The following USP24 variants were observed in gnomAD, a reference collection of about 807,000 sequenced individuals.
USP24 encodes the protein ubiquitin specific peptidase 24.
USP24 carries 97 observed loss-of-function variants against 361.6 expected under a neutral mutation model. The observed-to-expected ratio is 0.27, with a 90% confidence interval of 0.23 to 0.32. The LOEUF (loss-of-function observed/expected upper bound fraction) is 0.32, where lower values mean the gene tolerates loss of function less well. Among genes scored for constraint, USP24 ranks in the 10% least tolerant of loss-of-function variants. The pLI is 1.00. For missense variants in USP24, 2,353 were observed against 3,165.6 expected, an observed-to-expected ratio of 0.74 and a Z score of 6.16; for synonymous variants, 1,098 against 1,124.6, an observed-to-expected ratio of 0.98 and a Z score of 0.47.
At chr1:55,089,837 G>T in intron 54 of USP24, 97 bp from the exon 55 acceptor site, 1 of 795,780 alleles carries the variant, frequency 1.3e-6, no homozygotes, top group South Asian at 1.9e-5. Context: ...TTCTATCTAT[G>T]AATGTCTCTC....
intron 38 of USP24, among the ~76,000 whole-genome samples, chr1:55,118,483 G>A (rs2100585955): frequency 6.6e-6 from 1 of 152,248 alleles, no homozygotes; most frequent in African/African-American, 2.4e-5. Context: ...CTAAATGTAA[G>A]AACTAAAACT....
At chr1:55,213,883 C>G (rs1236683606) in intron 1 of USP24, among the ~76,000 whole-genome samples, 2 of 152,100 alleles carry the variant, frequency 1.3e-5, no homozygotes, top group African/African-American at 2.4e-5. Context: ...TCCTCCACCC[C>G]CACTGCGCTC....
Position 55,085,989 on chromosome 1 carries a change from T to C in USP24, c.6718A>G (p.Thr2240Ala). The C allele has an allele frequency of 6.2e-7, 1 of 1,613,944 alleles. No individual in the cohort carries two copies. The highest frequency in any genetic ancestry group is 8.5e-7 in the Non-Finnish European group (1 of 1,179,844). Reference sequence around the variant, plus strand: ...CTGTCTAGGGTTTTCTCCAGAATGGTGGCCACAGCAACTCGTACTTCTCTC... The same window carrying C: ...CTGTCTAGGGTTTTCTCCAGAATGGCGGCCACAGCAACTCGTACTTCTCTC... ...NVREVRVAVA[T>A]ILEKTLDSAL... The change falls in exon 56 of 68, where the codon ACC (threonine) becomes GCC (alanine). Residue 2240 changes from threonine (T) to alanine (A), a missense_variant. Physicochemically the swap from Thr to Ala is moderately conservative, Grantham distance 58 (BLOSUM62 0). Transcript: ENST00000294383.
intron 21 of USP24, among the ~76,000 whole-genome samples, chr1:55,143,580 C>T (rs1000818056): frequency 2.6e-5 from 4 of 151,870 alleles, no homozygotes; most frequent in East Asian, 1.9e-4. Context: ...ATTCTAACCA[C>T]CCAGGAAGCC....
chr1:55,069,086 T>C lies in USP24; in HGVS notation c.7822A>G (p.Ile2608Val), dbSNP rs758985138. ...LQQGSESPMM[I>V]GELRSDLDDV... ...TCAAGGTCACTTCTCAACTCACCAA[T>C]CATCATGGGAGATTCTGAACCCTGC... is the stretch of plus-strand genomic sequence containing the variant. Residue 2608 changes from isoleucine to valine, a missense_variant, in exon 68 of 68, where the codon ATT becomes GTT. Around this residue, in one of 8 missense-constraint regions of USP24, gnomAD observed 53 missense variants for 57.7 expected, o/e 0.92. Transcript: ENST00000294383. 6.2e-7 allele frequency: 1 copy of C among 1,613,926 alleles called. No homozygotes were observed.
intron 3 of USP24, among the ~76,000 whole-genome samples, chr1:55,173,318 A>G (rs1477868187): frequency 6.6e-6 from 1 of 152,188 alleles, no homozygotes. Context: ...TAAACTGTTT[A>G]CTTTGTAGCT....
At chr1:55,070,078 T>C (rs1244750390) in intron 67 of USP24, among the ~76,000 whole-genome samples, 18 of 150,674 alleles carry the variant, frequency 1.2e-4, no homozygotes, top group Admixed American at 1.2e-3. Context: ...TGATGACAGG[T>C]GGAGGAGAGG....
intron 1 of USP24, among the ~76,000 whole-genome samples, chr1:55,191,441 T>C (rs1644283746): frequency 6.6e-6 from 1 of 152,062 alleles, no homozygotes; most frequent in African/African-American, 2.4e-5. Context: ...GTTTGCCAAC[T>C]GTTTGGACTA....
At chr1:55,149,426 T>C (rs1647129917) in intron 16 of USP24, among the ~76,000 whole-genome samples, 2 of 152,208 alleles carry the variant, frequency 1.3e-5, no homozygotes, top group South Asian at 4.1e-4. Flanking sequence ...CTTGTTCTAT[T>C]GAGCCTTAGT....
In USP24 at chr1:55,079,528, A is replaced by C. The variant is rs1645099359; in HGVS notation, c.7200+10T>G. ...GGGAAAAAAATGGCTTTAGAATAAC[A>C]AGTACATACCTCTAACAGGTAAGGT... On this transcript the variant is annotated intron_variant, in intron 60 of 67. Transcript: ENST00000294383. 1.3e-6 allele frequency: 2 copies of C among 1,564,232 alleles called. No individual in the cohort carries two copies. Among genetic ancestry groups the C allele is most frequent in the Non-Finnish European group, 1.7e-6 (2 of 1,164,048 alleles).
Position 55,134,138 on chromosome 1 carries a change from G to A in USP24, c.3313C>T (p.Leu1105=), listed in dbSNP as rs1391392976. 5 of 1,613,622 alleles carry A rather than the reference G, an allele frequency of 3.1e-6. No individual in the cohort carries two copies. In the African/African-American group the frequency reaches 6.7e-5, roughly 22 times the overall value. The part of the protein sequence containing the change: ...PRITLRVRKL[L]LLIPTDPAIQ... The stretch of plus-strand genomic sequence containing the variant: ...GCTGGATCAGTGGGTATCAAGAGCA[G>A]AAGCTTCCGTACTCGTAGAGTTATC... The change falls in exon 30 of 68, where the codon CTG becomes TTG. Residue 1105 remains leucine, a synonymous_variant. Coordinates refer to ENST00000294383, the MANE Select transcript of USP24 (RefSeq NM_015306.3).
intron 65 of USP24, 109 bp downstream of exon 65, chr1:55,072,677 G>A (rs955203447): frequency 8.8e-7 from 1 of 1,131,028 alleles, no homozygotes; most frequent in Non-Finnish European, 1.2e-6. Flanking sequence ...TTTGAAATCT[G>A]AAAACACTTT....
Position 55,096,637 on chromosome 1 carries a change from TCAGA to T in USP24, c.5937-19_5937-16del. 6.2e-7 allele frequency: 1 copy of T among 1,600,486 alleles called. No individual in the cohort carries two copies. The highest frequency in any genetic ancestry group is 2.2e-5 in the East Asian group (1 of 44,734). On this transcript the variant is annotated splice_polypyrimidine_tract_variant and intron_variant, in intron 49 of 67. Transcript: ENST00000294383. The stretch of plus-strand genomic sequence containing the variant: ...TTCCACACCCTCTAGAACCCAGAGA[TCAGA>T]CAAACATTATAAGGTTAAAAAAATC...
At chr1:55,135,899 A>G (rs573835357) in intron 28 of USP24, among the ~76,000 whole-genome samples, 3 of 152,340 alleles carry the variant, frequency 2.0e-5, no homozygotes, top group Admixed American at 2.0e-4. Context: ...AACACAGAGA[A>G]GGTACAAAAT....
intron 1 of USP24, among the ~76,000 whole-genome samples, chr1:55,180,576 A>G (rs1643936883): frequency 6.6e-6 from 1 of 152,208 alleles, no homozygotes; most frequent in African/African-American, 2.4e-5. Flanking sequence ...CCATCCCCAC[A>G]GAATCTACGG....
intron 50 of USP24, 34 bp from the exon 51 acceptor site, chr1:55,095,430 A>G (rs1052497344): frequency 9.0e-6 from 14 of 1,556,058 alleles, no homozygotes; most frequent in Non-Finnish European, 1.2e-5. Context: ...CACATCTGTA[A>G]ATAAAAGTTT....
chr1:55,110,908 A>G (rs540406402), intron 38 of USP24, among the ~76,000 whole-genome samples: 46 of 152,224 alleles, frequency 3.0e-4, no homozygotes, highest in African/African-American at 1.1e-3. Context: ...TATTGGAAAT[A>G]AAAAACATAC....
rs1388313789 is a variant in USP24, at chr1:55,153,929, T to A, written c.1813-12A>T. The stretch of plus-strand genomic sequence containing the variant: ...GACCATTCTCCAGGCTGAAAATTCA[T>A]TTTAAGAGAAATATAAGTGACTTGG... On this transcript the variant is annotated splice_polypyrimidine_tract_variant and intron_variant, in intron 15 of 67. Transcript: ENST00000294383. 6.4e-7 allele frequency: 1 copy of A among 1,550,752 alleles called. No individual in the cohort carries two copies. Among genetic ancestry groups the A allele is most frequent in the Admixed American group, 2.0e-5 (1 of 50,864 alleles).
intron 1 of USP24, among the ~76,000 whole-genome samples, chr1:55,182,703 C>T (rs1202540917): frequency 2.0e-5 from 3 of 151,914 alleles, no homozygotes; most frequent in Non-Finnish European, 2.9e-5. Context: ...TGAGAAAACC[C>T]GAAATGAAAA....
Sources: allele counts gnomAD v4.1 joint callset (sites outside exome capture counted in the v4.1 genomes callset), GRCh38; gene constraint gnomAD v4.1.1; regional missense constraint gnomAD v4.1.1; transcripts MANE v1.5; gene names NCBI Gene and HGNC (gene_info 2026-07-23, HGNC 2026-07-21).